The following INPP5F variants were observed in gnomAD, a reference collection of about 807,000 sequenced individuals.
INPP5F encodes the protein inositol polyphosphate-5-phosphatase F.
A neutral mutation model predicts 137.2 loss-of-function variants in INPP5F; 97 were observed. That is an observed-to-expected ratio of 0.71 (90% CI 0.60 to 0.84). The LOEUF is 0.84. Among genes scored for constraint, INPP5F ranks in the 40% least tolerant of loss-of-function variants. INPP5F has a pLI of 0.00. For missense variants in INPP5F, 1,271 were observed against 1,371.9 expected (o/e 0.93, Z 1.16); for synonymous variants, 504 against 476.9 (o/e 1.06, Z -0.74).
chr10:119,827,007 GCTAA>G lies in INPP5F; in HGVS notation c.2629_2632del (p.Asn877HisfsTer2). 1 of 1,614,160 alleles carries G rather than the reference GCTAA, an allele frequency of 6.2e-7. No homozygotes were observed. Among genetic ancestry groups the G allele is most frequent in the Non-Finnish European group, 8.5e-7 (1 of 1,179,998 alleles). ...TAAGTCTGATGAAGACAGGCAGCTA[GCTAA>G]CTCATTAGAGAGTGTAGGGCCAATA... On this transcript the variant is annotated frameshift_variant, in exon 20 of 20. Transcript: ENST00000650623. LOFTEE classifies it high-confidence loss of function.
At chr10:119,786,653 A>C (rs180835807) in intron 3 of INPP5F, among the ~76,000 whole-genome samples, 175 of 151,822 alleles carry the variant, frequency 1.2e-3, no homozygotes, top group African/African-American at 4.1e-3. Flanking sequence ...CTGGGATTAC[A>C]GGCATGTGCC....
intron 19 of INPP5F, among the ~76,000 whole-genome samples, chr10:119,824,653 A>G (rs1019361199): frequency 1.3e-5 from 2 of 152,226 alleles, no homozygotes; most frequent in African/African-American, 2.4e-5. Flanking sequence ...TTTAGGGGAA[A>G]TTACTTTGAG....
intron 19 of INPP5F, chr10:119,826,067 C>T (rs138109030): frequency 4.5e-4 from 181 of 398,174 alleles, no homozygotes; most frequent in African/African-American, 3.3e-3. Context: ...CCTGTCTCCC[C>T]CCACTATCTG....
chr10:119,821,732 C>T (rs1285496901), intron 16 of INPP5F, among the ~76,000 whole-genome samples: 1 of 149,690 alleles, frequency 6.7e-6, no homozygotes, highest in African/African-American at 2.5e-5. Context: ...TCATCTCTGC[C>T]TCCCTCCGTC....
At chr10:119,728,660 CT>C (rs1847960620) in intron 1 of INPP5F, among the ~76,000 whole-genome samples, 1 of 152,098 alleles carries the variant, frequency 6.6e-6, no homozygotes, top group Admixed American at 6.5e-5. Flanking sequence ...AAGAGTTTTC[CT>C]TTTTCTAGAG....
chr10:119,814,163 G>A (rs1347449249), intron 15 of INPP5F, among the ~76,000 whole-genome samples: 2 of 152,024 alleles, frequency 1.3e-5, no homozygotes, highest in East Asian at 1.9e-4. Context: ...AGGCTGAGGC[G>A]GGCAGATCAC....
In INPP5F at chr10:119,796,744, C is replaced by G; in HGVS notation, c.699C>G (p.Pro233=). 6.2e-7 allele frequency: 1 copy of G among 1,613,882 alleles called. No individual in the cohort carries two copies. Among genetic ancestry groups the G allele is most frequent in the Non-Finnish European group, 8.5e-7 (1 of 1,179,812 alleles). ...GTPDVDFWII[P]MIQGFVQIEE... Reference sequence around the variant, plus strand: ...CAGATGTGGACTTTTGGATTATCCCCATGATCCAAGGTTTTGTGCAGATTG... The same window carrying G: ...CAGATGTGGACTTTTGGATTATCCCGATGATCCAAGGTTTTGTGCAGATTG... The change falls in exon 7 of 20, where the codon CCC becomes CCG. Residue 233 remains proline (P), a synonymous_variant. Transcript: ENST00000650623.
At chr10:119,819,101 T>C (rs1219092952) in intron 15 of INPP5F, 1 of 155,110 alleles carries the variant, frequency 6.4e-6, no homozygotes, top group African/African-American at 2.4e-5. Flanking sequence ...GAAGGAGGGC[T>C]TGCCCCAGTG....
rs565474681 is a variant in INPP5F at position 119,726,081 on chromosome 10, C to T, written c.-182C>T. The T allele has an allele frequency of 1.3e-5, 5 of 373,508 alleles. No homozygotes were observed. The highest frequency in any genetic ancestry group is 4.4e-5 in the East Asian group (1 of 22,780). 23.1% of individuals were successfully genotyped at this position (373,508 alleles called of 1,614,324 possible). On this transcript the variant is annotated 5_prime_UTR_variant, in exon 1 of 20. Coordinates refer to ENST00000650623, the MANE Select transcript of INPP5F (RefSeq NM_014937.4). The stretch of plus-strand genomic sequence containing the variant: ...CCTCTACGGCCGCCGCTGCCGCCGC[C>T]GCTGCCGGGGCGCGTTCTCCTCCTA...
chr10:119,779,306 A>G (rs1054309052), intron 2 of INPP5F, among the ~76,000 whole-genome samples: 9 of 152,180 alleles, frequency 5.9e-5, no homozygotes, highest in Non-Finnish European at 1.3e-4. Context: ...CAGTGAGTGA[A>G]TGTGAAGGCC....
chr10:119,735,441 A>G (rs564812667), intron 1 of INPP5F, among the ~76,000 whole-genome samples: 36 of 152,348 alleles, frequency 2.4e-4, no homozygotes, highest in African/African-American at 7.9e-4. Flanking sequence ...CAATTTCTGC[A>G]ATGTCAATAT....
intron 2 of INPP5F, among the ~76,000 whole-genome samples, chr10:119,756,751 T>C (rs1848856970): frequency 1.3e-5 from 2 of 152,154 alleles, no homozygotes; most frequent in African/African-American, 4.8e-5. Context: ...TAGTGAAAGT[T>C]ATTTTGTAAT....
rs182808725 is a variant in INPP5F, at chr10:119,755,247, C to T, written c.178+4091C>T. 2.5e-4 allele frequency among the ~76,000 whole-genome samples: 38 copies of T among 152,318 alleles called. 2 individuals are homozygous for T. Among genetic ancestry groups the T allele is most frequent in the African/African-American group, 8.9e-4 (37 of 41,570 alleles). On this transcript the variant is annotated intron_variant, in intron 2 of 19. Transcript: ENST00000650623. ...TAAACAACAGAATCATATTTTCTCACAATTCTGGAACACAGAAGTCTGAAA... is the reference window on the plus strand; with the variant it reads ...TAAACAACAGAATCATATTTTCTCATAATTCTGGAACACAGAAGTCTGAAA...
chr10:119,798,391 C>A (rs1850461825), intron 8 of INPP5F, 152 bp from the exon 9 acceptor site: 3 of 553,398 alleles, frequency 5.4e-6, no homozygotes, highest in Admixed American at 6.7e-5. Context: ...AGATCTTTGA[C>A]TTAGCATTTC....
chr10:119,788,238 G>T (rs539537069), intron 3 of INPP5F, among the ~76,000 whole-genome samples: 2 of 152,292 alleles, frequency 1.3e-5, no homozygotes, highest in South Asian at 4.1e-4. Flanking sequence ...GTCTCAGTGT[G>T]GGGGAGACGT....
At chr10:119,811,409 C>A (rs942491344) in intron 14 of INPP5F, among the ~76,000 whole-genome samples, 2 of 152,188 alleles carry the variant, frequency 1.3e-5, no homozygotes, top group Non-Finnish European at 2.9e-5. Context: ...CTGTTCAGAT[C>A]TTTGCTCATT....
At chr10:119,776,597 T>A (rs1339624058) in intron 2 of INPP5F, among the ~76,000 whole-genome samples, 1 of 152,094 alleles carries the variant, frequency 6.6e-6, no homozygotes, top group Non-Finnish European at 1.5e-5. Context: ...TAATTTGTAA[T>A]GTCGATATGA....
intron 2 of INPP5F, among the ~76,000 whole-genome samples, chr10:119,763,421 C>T (rs1374755607): frequency 6.6e-6 from 1 of 152,228 alleles, no homozygotes; most frequent in Non-Finnish European, 1.5e-5. Flanking sequence ...GGAAGCAGCC[C>T]TGATGATCTC....
rs137914654 is a variant in INPP5F at position 119,828,831 on chromosome 10, AGCAAGACCGTGTCT to A, written c.*1052_*1065del. On this transcript the variant is annotated 3_prime_UTR_variant, in exon 20 of 20. Transcript: ENST00000650623. ...CACTGACCTCCAGCCTGGGGGACAG[AGCAAGACCGTGTCT>A]CAAAAACAATTTAGTCTGAAACACA... The A allele has an allele frequency of 0.11, 16,586 of 152,318 alleles. 951 individuals are homozygous for A. Among genetic ancestry groups the A allele is most frequent in the South Asian group, 0.17 (802 of 4,822 alleles). 9.4% of individuals were successfully genotyped at this position (152,318 alleles called of 1,614,324 possible). A position where few individuals can be genotyped will look rare whatever the true frequency, so the allele number is the denominator to read the frequency against.
Sources: allele counts gnomAD v4.1 joint callset (sites outside exome capture counted in the v4.1 genomes callset), GRCh38; gene constraint gnomAD v4.1.1; transcripts MANE v1.5; gene names NCBI Gene and HGNC (gene_info 2026-07-23, HGNC 2026-07-21).